Variants in NAT10 observed in about 807,000 individuals in gnomAD.
The protein encoded by NAT10 is RNA cytidine acetyltransferase.
In NAT10, 109 loss-of-function variants were observed where a neutral mutation model predicts 132.2. The observed-to-expected ratio is 0.82, with a 90% CI of 0.71 to 0.97. The LOEUF is 0.97. Among genes scored for constraint, NAT10 ranks in the 50% least tolerant of loss-of-function variants. NAT10 has a pLI of 0.00. For missense variants in NAT10, 1,184 were observed against 1,263.4 expected, an observed-to-expected ratio of 0.94 and a Z score of 0.95; for synonymous variants, 479 against 478.0, an observed-to-expected ratio of 1.00 and a Z score of -0.03.
At chr11:34,139,802 T>G (rs1474947813) in intron 23 of NAT10, among the ~76,000 whole-genome samples, 1 of 152,156 alleles carries the variant, frequency 6.6e-6, no homozygotes, top group East Asian at 1.9e-4. Flanking sequence ...ATCTCTGAGG[T>G]TTAGTTTCCT....
At chr11:34,141,477 G>C (rs1383864058) in intron 25 of NAT10, among the ~76,000 whole-genome samples, 2 of 150,926 alleles carry the variant, frequency 1.3e-5, no homozygotes, top group Admixed American at 6.6e-5. Flanking sequence ...CAGGACTTCA[G>C]CTCTAAAGAA....
rs768677978 is a variant in NAT10 at position 34,124,428 on chromosome 11, G to A, written c.1107+28G>A. The A allele has an allele frequency of 5.9e-6, 9 of 1,517,794 alleles. No homozygotes were observed. In the South Asian group the frequency reaches 1.0e-4, roughly 17 times the overall value. 94.0% of individuals were successfully genotyped at this position (1,517,794 alleles called of 1,614,324 possible). On this transcript the variant is annotated intron_variant, in intron 11 of 28. Transcript: ENST00000257829. ...GAGGCTTGTTCTCAGACCCTGATGT[G>A]CAGGGCCAGTGTCTTGCTGTATTTA...
At position 34,108,322 on chromosome 11, in the gene NAT10, G is replaced by C; in HGVS notation, c.97G>C (p.Gly33Arg). 1 of 1,613,488 alleles carries C rather than the reference G, an allele frequency of 6.2e-7. No homozygotes were observed. Among genetic ancestry groups the C allele is most frequent in the Non-Finnish European group, 8.5e-7 (1 of 1,179,454 alleles). ...TCTCTTTGTTGTAGTTGGGGATCGA[G>C]GAAAAGATCAGGTATGGCCTGGTAA... ...RSLFVVVGDR[G>R]KDQVVILHHM... Residue 33 changes from glycine (G) to arginine (R), a missense_variant, in exon 2 of 29, where the codon GGA (glycine) becomes CGA (arginine). Physicochemically the swap from Gly to Arg is moderately radical, Grantham distance 125 (BLOSUM62 -2). Coordinates refer to ENST00000257829, the MANE Select transcript of NAT10 (RefSeq NM_024662.3).
In NAT10 at chr11:34,136,055, C is replaced by G. The variant is rs994250216; in HGVS notation, c.2029-587C>G. Among the ~76,000 whole-genome samples the G allele has an allele frequency of 2.0e-5, 3 of 151,844 alleles. No individual in the cohort carries two copies. In the South Asian group the frequency reaches 6.2e-4, roughly 32 times the overall value. Reference sequence around the variant, plus strand: ...GGACTTCATGCTGGATCACAGGAGCCTGCCTGTCCCTTTGTAAATCTGTTG... The same window carrying G: ...GGACTTCATGCTGGATCACAGGAGCGTGCCTGTCCCTTTGTAAATCTGTTG... On this transcript the variant is annotated intron_variant, in intron 19 of 28. Transcript: ENST00000257829.
At chr11:34,133,313 G>T (rs946202877) in intron 16 of NAT10, among the ~76,000 whole-genome samples, 171 bp downstream of exon 16, 1 of 152,182 alleles carries the variant, frequency 6.6e-6, no homozygotes, top group Non-Finnish European at 1.5e-5. Context: ...GAAGAGGTTA[G>T]CGCCACTAGA....
Position 34,133,150 on chromosome 11 carries a change from A to G in NAT10, c.1734+8A>G. The G allele has an allele frequency of 6.3e-7, 1 of 1,591,524 alleles. No homozygotes were observed. Among genetic ancestry groups the G allele is most frequent in the Non-Finnish European group, 8.6e-7 (1 of 1,159,496 alleles). On this transcript the variant is annotated splice_region_variant and intron_variant, in intron 16 of 28. Coordinates refer to ENST00000257829, the MANE Select transcript of NAT10 (RefSeq NM_024662.3). The stretch of plus-strand genomic sequence containing the variant: ...GTGCTTGCTGTTATCCAGGTATAGG[A>G]GCAGAGGCGTCCTTGTGGCAGTGAT...
chr11:34,143,418 C>CTTTGA (rs1373575682), intron 27 of NAT10, 27 bp from the exon 28 acceptor site: 4 of 1,593,318 alleles, frequency 2.5e-6, no homozygotes, highest in Middle Eastern at 1.7e-4. Context: ...TTCTAGCAGG[C>CTTTGA]TTTGATAGTT....
At position 34,140,509 on chromosome 11, in the gene NAT10, G is replaced by C. The variant is rs533018335; in HGVS notation, c.2529G>C (p.Pro843=). Residue 843 remains proline, a synonymous_variant, in exon 24 of 29, where the codon CCG becomes CCC. Coordinates refer to ENST00000257829, the MANE Select transcript of NAT10 (RefSeq NM_024662.3). ...VDYHLIMDMI[P]AISRIYFLNQ... ...ATCACCTCATCATGGACATGATCCC[G>C]GCCATCTCTCGCATCTATTTCCTGA... 3.8e-5 allele frequency: 61 copies of C among 1,614,154 alleles called. No individual in the cohort carries two copies. The South Asian group carries it at 4.8e-4, about 13-fold the overall frequency.
chr11:34,128,205 T>C (rs1852035196), intron 12 of NAT10, among the ~76,000 whole-genome samples: 1 of 151,804 alleles, frequency 6.6e-6, no homozygotes, highest in Non-Finnish European at 1.5e-5. Flanking sequence ...AATACAAAAA[T>C]TAGCTGGGTC....
chr11:34,122,651 G>A, intron 9 of NAT10, 59 bp downstream of exon 9: 1 of 1,596,048 alleles, frequency 6.3e-7, no homozygotes, highest in Non-Finnish European at 8.5e-7. Context: ...GTAGTGTGCA[G>A]GGTTGGGGTC....
At chr11:34,122,700 A>AGTG in intron 9 of NAT10, 108 bp downstream of exon 9, 1 of 1,406,216 alleles carries the variant, frequency 7.1e-7, no homozygotes. Context: ...CTGAGTTCTG[A>AGTG]GTGGGTTCAG....
intron 26 of NAT10, 50 bp downstream of exon 26, chr11:34,141,867 C>T: frequency 6.7e-7 from 1 of 1,494,782 alleles, no homozygotes; most frequent in East Asian, 2.3e-5. Context: ...CATCAGTTGC[C>T]TTAGGCTGTG....
rs779637478 is a variant in NAT10 at position 34,142,263 on chromosome 11, C to T, written c.2812-12C>T. On this transcript the variant is annotated splice_polypyrimidine_tract_variant and intron_variant, in intron 26 of 28. Coordinates refer to ENST00000257829, the MANE Select transcript of NAT10 (RefSeq NM_024662.3). ...ACTCTGACTTAGTCTCTTTATGGGT[C>T]CTTAACCACAGGATGAAGCAGCAAA... The T allele has an allele frequency of 6.2e-7, 1 of 1,613,634 alleles. No homozygotes were observed.
chr11:34,116,514 G>T (rs995165230), intron 6 of NAT10, among the ~76,000 whole-genome samples: 2 of 151,578 alleles, frequency 1.3e-5, no homozygotes, highest in African/African-American at 2.4e-5. Flanking sequence ...TGCCTCCCAG[G>T]TCGAGTGATT....
intron 5 of NAT10, among the ~76,000 whole-genome samples, chr11:34,115,544 A>C (rs759867166): frequency 6.6e-6 from 1 of 152,282 alleles, no homozygotes; most frequent in Admixed American, 6.5e-5. Flanking sequence ...GTGTATGCAC[A>C]GCATATCTGG....
rs1354591443 is a variant in NAT10, at chr11:34,124,301, G to C, written c.1009-1G>C. The C allele has an allele frequency of 6.2e-7, 1 of 1,604,012 alleles. No homozygotes were observed. Among genetic ancestry groups the C allele is most frequent in the African/African-American group, 1.3e-5 (1 of 74,686 alleles). ...TTGTCATTGGTTTGACTCCCCACCA[G>C]GAACATCTGGATTATGAGATTATCC... On this transcript the variant is annotated splice_acceptor_variant, in intron 10 of 28. Coordinates refer to ENST00000257829, the MANE Select transcript of NAT10 (RefSeq NM_024662.3). LOFTEE classifies it high-confidence loss of function.
At position 34,128,321 on chromosome 11, in the gene NAT10, T is replaced by G. The variant is rs1002676100; in HGVS notation, c.1244+722T>G. 8.9e-5 allele frequency among the ~76,000 whole-genome samples: 13 copies of G among 145,926 alleles called. 1 individual carries two copies. The South Asian group carries it at 2.4e-3, about 27-fold the overall frequency. On this transcript the variant is annotated intron_variant, in intron 12 of 28. Coordinates refer to ENST00000257829, the MANE Select transcript of NAT10 (RefSeq NM_024662.3). ...GTGAGCCGAGATTGCACCACTGCTC[T>G]CCAGTCTGGGCGACAGAGCGAGACT...
At chr11:34,112,771 G>C (rs572223061) in intron 4 of NAT10, among the ~76,000 whole-genome samples, 1 of 152,278 alleles carries the variant, frequency 6.6e-6, no homozygotes, top group South Asian at 2.1e-4. Flanking sequence ...CAAGTTAATA[G>C]ACTAAGTTTC....
chr11:34,143,661 G>A, intron 28 of NAT10, 133 bp downstream of exon 28: 1 of 766,004 alleles, frequency 1.3e-6, no homozygotes, highest in Non-Finnish European at 2.1e-6. Flanking sequence ...TTCCCTTTGA[G>A]AGTCCCCTGG....
Sources: gnomAD v4.1 joint callset for allele counts (sites outside exome capture counted in the v4.1 genomes callset) on GRCh38, gnomAD v4.1.1 for gene constraint, MANE v1.5 for transcripts, NCBI Gene and HGNC (gene_info 2026-07-23, HGNC 2026-07-21) for gene names.